The following SH2D4B variants were observed in gnomAD, a reference collection of about 807,000 sequenced individuals.
SH2D4B encodes SH2 domain containing 4B.
A neutral mutation model predicts 61.5 loss-of-function variants in SH2D4B; 45 were observed. That is an observed-to-expected ratio of 0.73 (90% CI 0.58 to 0.94). SH2D4B has a LOEUF of 0.94. Ranked by LOEUF, SH2D4B falls within the 40% of genes least tolerant of loss-of-function variation. The pLI is 0.00. For synonymous variants in SH2D4B, 224 were observed against 220.4 expected (o/e 1.02, Z -0.14); for missense variants, 572 against 574.2 (o/e 1.00, Z 0.04).
In SH2D4B at chr10:80,640,101, T is replaced by C. The variant is rs542391361; in HGVS notation, c.1210-3892T>C. The stretch of plus-strand genomic sequence containing the variant: ...GGTTGAAAATTCTTTTGTTTAAGAA[T>C]GTTGAATATTGGCCCCCACTCTCTT... On this transcript the variant is annotated intron_variant, in intron 7 of 7. Transcript: ENST00000646907. 1.1e-4 allele frequency among the ~76,000 whole-genome samples: 17 copies of C among 152,342 alleles called. 1 individual carries two copies. In the South Asian group the frequency reaches 2.3e-3, roughly 20 times the overall value.
chr10:80,582,600 T>C (rs528436323), intron 3 of SH2D4B, among the ~76,000 whole-genome samples: 1 of 152,290 alleles, frequency 6.6e-6, no homozygotes, highest in South Asian at 2.1e-4. Flanking sequence ...GAGAGCACCC[T>C]GAAGGAAAGA....
intron 7 of SH2D4B, among the ~76,000 whole-genome samples, chr10:80,643,303 C>T (rs917564873): frequency 2.7e-5 from 4 of 150,768 alleles, no homozygotes; most frequent in Admixed American, 1.3e-4. Flanking sequence ...TTTCTTATTC[C>T]GCTGAGGAGA....
chr10:80,644,123 GTT>G lies in SH2D4B; in HGVS notation c.*42_*43del. On this transcript the variant is annotated 3_prime_UTR_variant, in exon 8 of 8. Coordinates refer to ENST00000646907, the MANE Select transcript of SH2D4B (RefSeq NM_001388272.1). ...TCAATTGGATTCATTTTGGTATCCT[GTT>G]TTTGAACTCAGCTTAAGAACTTCTC... 6.5e-7 allele frequency: 1 copy of G among 1,530,008 alleles called. No individual in the cohort carries two copies. Among genetic ancestry groups the G allele is most frequent in the Non-Finnish European group, 9.0e-7 (1 of 1,105,524 alleles). The allele number at this position is 1,530,008 out of a possible 1,614,324, so 94.8% of individuals were successfully genotyped here.
intron 3 of SH2D4B, among the ~76,000 whole-genome samples, chr10:80,587,165 T>G (rs1842267940): frequency 7.2e-6 from 1 of 139,008 alleles, no homozygotes; most frequent in Non-Finnish European, 1.5e-5. Context: ...TTTTTTTTTT[T>G]TTTGGAGACG....
intron 5 of SH2D4B, among the ~76,000 whole-genome samples, chr10:80,608,917 G>T (rs1449691933): frequency 6.6e-6 from 1 of 152,144 alleles, no homozygotes; most frequent in Non-Finnish European, 1.5e-5. Context: ...CCCTCAGAGG[G>T]CGGGGAGGGA....
chr10:80,588,537 C>A, intron 3 of SH2D4B, 93 bp from the exon 4 acceptor site: 1 of 1,517,302 alleles, frequency 6.6e-7, no homozygotes, highest in Non-Finnish European at 9.0e-7. Flanking sequence ...GCACTCTCAG[C>A]CCCATCCACT....
intron 1 of SH2D4B, among the ~76,000 whole-genome samples, chr10:80,547,654 T>C (rs1431027499): frequency 6.6e-6 from 1 of 152,180 alleles, no homozygotes; most frequent in African/African-American, 2.4e-5. Flanking sequence ...CCCCATTTCT[T>C]TTGTTAAGAA....
intron 1 of SH2D4B, among the ~76,000 whole-genome samples, chr10:80,542,872 G>T (rs1841600907): frequency 6.6e-6 from 1 of 152,094 alleles, no homozygotes; most frequent in African/African-American, 2.4e-5. Context: ...CTTTCCTTTA[G>T]GTTTCCTACC....
At chr10:80,611,266 G>C (rs955230025) in intron 6 of SH2D4B, among the ~76,000 whole-genome samples, 7 of 149,826 alleles carry the variant, frequency 4.7e-5, no homozygotes, top group African/African-American at 1.7e-4. Context: ...GGCTCCTAAA[G>C]CTTTTGCAGG....
rs770251464 is a variant in SH2D4B, at chr10:80,538,491, C to T, written c.160C>T (p.Leu54Phe). 4.2e-6 allele frequency: 6 copies of T among 1,430,210 alleles called. No individual in the cohort carries two copies. In the East Asian group the frequency reaches 7.8e-5, roughly 19 times the overall value. The allele number at this position is 1,430,210 out of a possible 1,614,324, so 88.6% of individuals were successfully genotyped here. The change falls in exon 1 of 8, where the codon CTC (leucine) becomes TTC (phenylalanine). Residue 54 changes from leucine (L) to phenylalanine (F), a missense_variant. By Grantham distance (22) the Leu-to-Phe change is conservative. Transcript: ENST00000646907. This position sits in a 1 kb window ranked among gnomAD's most constrained non-coding sequence, Gnocchi z 4.8. ...GGAGGCCCTGGCCCAGGACGAGGGT[C>T]TCAGGCCTCCAAAGACCAAGCGAGG... ...TWEALAQDEG[L>F]RPPKTKRAAS...
At chr10:80,572,680 C>T (rs990439258) in intron 3 of SH2D4B, among the ~76,000 whole-genome samples, 16 of 151,494 alleles carry the variant, frequency 1.1e-4, no homozygotes, top group Admixed American at 5.9e-4. Flanking sequence ...AGTTCAATGG[C>T]GTGATCTCGG....
At chr10:80,553,679 T>C (rs1276289821) in intron 1 of SH2D4B, among the ~76,000 whole-genome samples, 1 of 152,110 alleles carries the variant, frequency 6.6e-6, no homozygotes, top group Non-Finnish European at 1.5e-5. Flanking sequence ...GTTACAAGGT[T>C]GGAGGGAGTG....
chr10:80,632,998 A>G lies in SH2D4B; in HGVS notation c.989-1287A>G, dbSNP rs191387939. 4.6e-5 allele frequency among the ~76,000 whole-genome samples: 7 copies of G among 151,712 alleles called. No homozygotes were observed. The East Asian group carries it at 1.2e-3, about 26-fold the overall frequency. On this transcript the variant is annotated intron_variant, in intron 6 of 7. Coordinates refer to ENST00000646907, the MANE Select transcript of SH2D4B (RefSeq NM_001388272.1). ...AAATAGGTGGCCCCTGGTTGCGCCA[A>G]TTGTCTTTAAAGGGTGCAGCATTTG...
Position 80,603,638 on chromosome 10 carries a change from G to GCGC in SH2D4B, c.703_704insCGC (p.Glu235delinsAlaGln). 6.3e-7 allele frequency: 1 copy of GCGC among 1,599,504 alleles called. No individual in the cohort carries two copies. The highest frequency in any genetic ancestry group is 8.5e-7 in the Non-Finnish European group (1 of 1,173,814). On this transcript the variant is annotated protein_altering_variant, in exon 5 of 8. Transcript: ENST00000646907. ...CCGCCGAGCCCAGCGCGCCCGGGAC[G>GCGC]AGTACCGACACCACTCGCTCCGTGC...
At chr10:80,642,961 G>C (rs1840331664) in intron 7 of SH2D4B, 3 of 152,582 alleles carry the variant, frequency 2.0e-5, no homozygotes, top group African/African-American at 7.2e-5. Context: ...CCATCAGATG[G>C]GCAGACAATC....
At chr10:80,598,962 T>G (rs922554089) in intron 4 of SH2D4B, among the ~76,000 whole-genome samples, 2 of 152,192 alleles carry the variant, frequency 1.3e-5, no homozygotes, top group Non-Finnish European at 2.9e-5. Flanking sequence ...GAGGGACTTG[T>G]GTTCACCTGT....
intron 4 of SH2D4B, among the ~76,000 whole-genome samples, chr10:80,593,855 G>A (rs12266780): frequency 0.084 from 12,820 of 152,148 alleles, 600 homozygotes; most frequent in African/African-American, 0.12. Context: ...TGTCACTCAG[G>A]CTGGAGTGCA....
chr10:80,571,412 T>C lies in SH2D4B; in HGVS notation c.348-19T>C. On this transcript the variant is annotated intron_variant, in intron 2 of 7. Transcript: ENST00000646907. ...TCAGTTTTTCACACAAGCTTATACCTGTGGTGCTCTCTTGGTAGGAGACAG... is the reference window on the plus strand; with the variant it reads ...TCAGTTTTTCACACAAGCTTATACCCGTGGTGCTCTCTTGGTAGGAGACAG... 1 of 1,612,878 alleles carries C rather than the reference T, an allele frequency of 6.2e-7. No individual in the cohort carries two copies. Among genetic ancestry groups the C allele is most frequent in the Non-Finnish European group, 8.5e-7 (1 of 1,179,424 alleles).
chr10:80,563,126 C>A (rs1405776711), intron 1 of SH2D4B, among the ~76,000 whole-genome samples: 1 of 151,956 alleles, frequency 6.6e-6, no homozygotes, highest in African/African-American at 2.4e-5. Flanking sequence ...TGGTCTCGAT[C>A]TCCTGACCTT....
Sources: gnomAD v4.1 joint callset for allele counts (sites outside exome capture counted in the v4.1 genomes callset) on GRCh38, gnomAD v4.1.1 for gene constraint, Gnocchi (gnomAD v3.1) non-coding constraint, MANE v1.5 for transcripts, NCBI Gene and HGNC (gene_info 2026-07-23, HGNC 2026-07-21) for gene names.